MANBAL: variants seen among roughly 807,000 people sequenced by gnomAD.
MANBAL encodes protein MANBAL.
A neutral mutation model predicts 6.4 loss-of-function variants in MANBAL; 1 was observed. The ratio of observed to expected loss-of-function variants is 0.16; its 90% CI spans 0.06 to 0.74. MANBAL has a LOEUF of 0.74. MANBAL is among the 30% of genes least tolerant of loss of function. The pLI is 0.78. For missense variants in MANBAL, 100 were observed against 107.8 expected (o/e 0.93, Z 0.32); for synonymous variants, 47 against 45.8 (o/e 1.03, Z -0.10).
At chr20:37,315,333 C>G (rs1234961608) in intron 2 of MANBAL, among the ~76,000 whole-genome samples, 2 of 152,210 alleles carry the variant, frequency 1.3e-5, no homozygotes, top group African/African-American at 4.8e-5. Context: ...AGCCCGGCCT[C>G]TCTGACGTCC....
chr20:37,292,971 A>G (rs1208082621), intron 1 of MANBAL, among the ~76,000 whole-genome samples: 1 of 152,216 alleles, frequency 6.6e-6, no homozygotes, highest in Admixed American at 6.5e-5. Context: ...AGACATACGT[A>G]TATATGCACA....
intron 2 of MANBAL, among the ~76,000 whole-genome samples, chr20:37,311,272 GAC>G (rs1462693023): frequency 6.6e-6 from 1 of 152,236 alleles, no homozygotes; most frequent in Non-Finnish European, 1.5e-5. Flanking sequence ...AGTACTGGGA[GAC>G]ACTGGCTGGC....
rs185752306 is a variant in MANBAL at position 37,300,310 on chromosome 20, C to T, written c.-56-898C>T. Reference sequence around the variant, plus strand: ...CACTTGCTTTTTTCCCTGCCTGGAACGTGTTTCCCTCAGATACACAAATGG... The same window carrying T: ...CACTTGCTTTTTTCCCTGCCTGGAATGTGTTTCCCTCAGATACACAAATGG... On this transcript the variant is annotated intron_variant, in intron 1 of 2. Coordinates refer to ENST00000373606, the MANE Select transcript of MANBAL (RefSeq NM_001003897.2). Among the ~76,000 whole-genome samples, 346 of 152,310 alleles carry T rather than the reference C, an allele frequency of 2.3e-3. 2 individuals carry two copies. Among genetic ancestry groups the T allele is most frequent in the Middle Eastern group, 6.8e-3 (2 of 294 alleles).
chr20:37,294,890 C>T (rs1297779294), intron 1 of MANBAL, among the ~76,000 whole-genome samples: 5 of 152,206 alleles, frequency 3.3e-5, no homozygotes, highest in Non-Finnish European at 5.9e-5. Flanking sequence ...TAATGTCTTA[C>T]GTCACCAGTG....
intron 1 of MANBAL, among the ~76,000 whole-genome samples, chr20:37,300,819 C>T (rs921297682): frequency 2.6e-5 from 4 of 152,020 alleles, no homozygotes; most frequent in African/African-American, 7.2e-5. Context: ...TGTATATATT[C>T]TTGGGTGTGT....
chr20:37,304,894 C>T (rs1456421551), intron 2 of MANBAL, among the ~76,000 whole-genome samples: 5 of 152,044 alleles, frequency 3.3e-5, no homozygotes, highest in East Asian at 1.9e-4. Context: ...GGAGTTGATA[C>T]GATGTCATTT....
chr20:37,316,242 G>T (rs1210881109), intron 2 of MANBAL, 66 bp from the exon 3 acceptor site: 21 of 1,429,890 alleles, frequency 1.5e-5, no homozygotes, highest in Non-Finnish European at 1.6e-5. Context: ...TTTCAGATGT[G>T]ATCTCCTTTT....
chr20:37,308,212 G>T (rs1279367061), intron 2 of MANBAL, among the ~76,000 whole-genome samples: 5 of 152,122 alleles, frequency 3.3e-5, no homozygotes, highest in African/African-American at 1.2e-4. Flanking sequence ...GGAGGGGAGG[G>T]GAGGGTTCTG....
chr20:37,311,747 A>G (rs1338928229), intron 2 of MANBAL, among the ~76,000 whole-genome samples: 1 of 152,202 alleles, frequency 6.6e-6, no homozygotes, highest in Non-Finnish European at 1.5e-5. Flanking sequence ...TTGGCTTCCC[A>G]AAGTGCTGGG....
intron 1 of MANBAL, among the ~76,000 whole-genome samples, chr20:37,294,260 T>G (rs139891309): frequency 4.1e-4 from 62 of 152,358 alleles, no homozygotes; most frequent in Middle Eastern, 3.4e-3. Flanking sequence ...CACCTCAGCA[T>G]TCCTGTTGGC....
intron 2 of MANBAL, among the ~76,000 whole-genome samples, chr20:37,305,177 C>T (rs911119630): frequency 6.6e-6 from 1 of 152,204 alleles, no homozygotes; most frequent in Non-Finnish European, 1.5e-5. Context: ...CCTCTGTGCT[C>T]CTGGGCTCTG....
At chr20:37,314,270 G>A (rs2069454009) in intron 2 of MANBAL, among the ~76,000 whole-genome samples, 1 of 152,202 alleles carries the variant, frequency 6.6e-6, no homozygotes, top group Admixed American at 6.5e-5. Flanking sequence ...GAGGAGGGCC[G>A]GGCCTTCTGG....
chr20:37,301,135 C>CATAAAAAA (rs749180071), intron 1 of MANBAL, 73 bp from the exon 2 acceptor site: 37 of 932,294 alleles, frequency 4.0e-5, no homozygotes, highest in Non-Finnish European at 5.1e-5. Context: ...GACTCCATCT[C>CATAAAAAA]ATAAATAAAT....
rs1243487341 is a variant in MANBAL, at chr20:37,302,804, G to A, written c.150+1391G>A. ...GAGGGCACTTATCTGCCATTAATTT[G>A]TTTTTTATGTTCAGTGGGAGCCCCT... is the stretch of plus-strand genomic sequence containing the variant. On this transcript the variant is annotated intron_variant, in intron 2 of 2. Transcript: ENST00000373606. 2.0e-5 allele frequency among the ~76,000 whole-genome samples: 3 copies of A among 149,632 alleles called. 1 individual carries two copies. Among genetic ancestry groups the A allele is most frequent in the Admixed American group, 1.3e-4 (2 of 15,038 alleles).
At chr20:37,310,127 G>A (rs143405771) in intron 2 of MANBAL, among the ~76,000 whole-genome samples, 203 of 152,300 alleles carry the variant, frequency 1.3e-3, no homozygotes, top group African/African-American at 4.8e-3. Flanking sequence ...TCTGGAATGA[G>A]CTCCCAAGGC....
intron 2 of MANBAL, among the ~76,000 whole-genome samples, chr20:37,303,235 G>C (rs1019530466): frequency 6.6e-6 from 1 of 152,118 alleles, no homozygotes; most frequent in Non-Finnish European, 1.5e-5. Context: ...TACATTTCCT[G>C]CCCCAGTCTT....
intron 2 of MANBAL, among the ~76,000 whole-genome samples, chr20:37,307,696 G>A (rs1218104338): frequency 6.6e-6 from 1 of 151,730 alleles, no homozygotes; most frequent in African/African-American, 2.4e-5. Flanking sequence ...GATGGAGGTT[G>A]CAGTGAGCTG....
chr20:37,310,547 T>TA (rs1427608591), intron 2 of MANBAL, among the ~76,000 whole-genome samples: 3 of 152,248 alleles, frequency 2.0e-5, no homozygotes, highest in Non-Finnish European at 4.4e-5. Context: ...TGTCCTGATT[T>TA]ACAGGACTAA....
At chr20:37,293,784 T>C (rs1188520634) in intron 1 of MANBAL, among the ~76,000 whole-genome samples, 4 of 152,242 alleles carry the variant, frequency 2.6e-5, no homozygotes, top group Non-Finnish European at 5.9e-5. Context: ...GTACAGTGTG[T>C]ACGTGCAGTT....
Sources: allele counts gnomAD v4.1 joint callset (sites outside exome capture counted in the v4.1 genomes callset), GRCh38; gene constraint gnomAD v4.1.1; transcripts MANE v1.5; gene names NCBI Gene and HGNC (gene_info 2026-07-23, HGNC 2026-07-21).